TRAK1: variants seen among roughly 807,000 people sequenced by gnomAD.
TRAK1 encodes the protein trafficking kinesin protein 1.
In TRAK1, 33 loss-of-function variants were observed where a neutral mutation model predicts 92.1. The ratio of observed to expected loss-of-function variants is 0.36; its 90% CI spans 0.27 to 0.48. The LOEUF (loss-of-function observed/expected upper bound fraction) is 0.48. Ranked by LOEUF, TRAK1 falls within the 20% of genes least tolerant of loss-of-function variation. TRAK1 has a pLI of 0.99. For missense variants in TRAK1, 1,123 were observed against 1,257.9 expected, an observed-to-expected ratio of 0.89 and a Z score of 1.62; for synonymous variants, 521 against 517.3, an observed-to-expected ratio of 1.01 and a Z score of -0.10.
intron 1 of TRAK1, among the ~76,000 whole-genome samples, chr3:42,026,580 A>C (rs1005328647): frequency 8.8e-5 from 13 of 147,380 alleles, no homozygotes; most frequent in Non-Finnish European, 1.8e-4. Flanking sequence ...GCTAGAGTGC[A>C]GTGGCATGAT....
rs752266095 is a variant in TRAK1, at chr3:42,223,174, C to T, written c.2299C>T (p.Leu767Phe). Residue 767 changes from leucine (L) to phenylalanine (F), a missense_variant, in exon 16 of 16, where the codon CTC (leucine) becomes TTC (phenylalanine). Physicochemically the swap from Leu to Phe is conservative, Grantham distance 22 (BLOSUM62 0). Coordinates refer to ENST00000327628, the MANE Select transcript of TRAK1 (RefSeq NM_001042646.3). The surrounding 1 kb of genome is among the most constrained non-coding windows in gnomAD (Gnocchi z 6.1). ...QSWDRAGRGS[L>F]LHSYTPKMAV... ...CTGGGACAGGGCCGGCCGGGGCTCC[C>T]TCCTGCACTCCTACACGCCCAAGAT... is the stretch of plus-strand genomic sequence containing the variant. 6.2e-7 allele frequency: 1 copy of T among 1,614,078 alleles called. No individual in the cohort carries two copies. Among genetic ancestry groups the T allele is most frequent in the South Asian group, 1.1e-5 (1 of 91,082 alleles).
intron 14 of TRAK1, 97 bp from the exon 15 acceptor site, chr3:42,219,397 C>T (rs1019698904): frequency 1.2e-6 from 2 of 1,601,194 alleles, no homozygotes; most frequent in South Asian, 1.1e-5. Context: ...CAAGGTAGCT[C>T]ATCACTTCTT....
rs1323614267 is a variant in TRAK1 at position 42,225,352 on chromosome 3, T to C, written c.*1615T>C. ...AACCTTATGTCCACCAAGGATACTT[T>C]GAGAAAGCCCCTAAGGAACAAGCCT... On this transcript the variant is annotated 3_prime_UTR_variant, in exon 16 of 16. Transcript: ENST00000327628. 1 of 152,236 alleles carries C rather than the reference T, an allele frequency of 6.6e-6. No individual in the cohort carries two copies. Among genetic ancestry groups the C allele is most frequent in the Non-Finnish European group, 1.5e-5 (1 of 68,046 alleles). The allele number at this position is 152,236 out of a possible 1,614,324, so 9.4% of individuals were successfully genotyped here.
chr3:42,168,927 G>A (rs560016218), intron 2 of TRAK1, among the ~76,000 whole-genome samples: 17 of 152,144 alleles, frequency 1.1e-4, no homozygotes, highest in Non-Finnish European at 1.9e-4. Context: ...AGGTTCAAGC[G>A]ATTCTCCTGC....
intron 2 of TRAK1, among the ~76,000 whole-genome samples, chr3:42,127,119 T>A (rs1412500889): frequency 6.6e-6 from 1 of 152,230 alleles, no homozygotes; most frequent in East Asian, 1.9e-4. Context: ...TGGTATCATA[T>A]GGAAAACTGA....
intron 1 of TRAK1, among the ~76,000 whole-genome samples, chr3:42,022,934 G>A (rs1407356210): frequency 3.3e-5 from 5 of 151,802 alleles, no homozygotes; most frequent in South Asian, 2.1e-4. Context: ...TGAGGCTGGC[G>A]GATCACGAGG....
chr3:42,201,199 C>G, intron 12 of TRAK1, 145 bp downstream of exon 12: 1 of 855,582 alleles, frequency 1.2e-6, no homozygotes, highest in Non-Finnish European at 1.8e-6. Flanking sequence ...TGGCTCGCGC[C>G]TATAATCCTA....
chr3:42,209,772 G>T lies in TRAK1; in HGVS notation c.1750G>T (p.Ala584Ser). ...CCTTCCCTTTCTCCTGCAAGGTTCC[G>T]CCACACTTCACCACTGGCAGCAGTT... ...LQIVKPLEGS[A>S]TLHHWQQLAQ... The change falls in exon 14 of 16, where the codon GCC becomes TCC. Residue 584 changes from alanine to serine, a missense_variant. Ala to Ser is a moderately conservative substitution (Grantham distance 99, BLOSUM62 1). Around this residue, in one of 3 missense-constraint regions of TRAK1, gnomAD observed 36 missense variants for 71.3 expected, o/e 0.50. Coordinates refer to ENST00000327628, the MANE Select transcript of TRAK1 (RefSeq NM_001042646.3). The T allele has an allele frequency of 6.8e-6, 11 of 1,613,882 alleles. No individual in the cohort carries two copies. Among genetic ancestry groups the T allele is most frequent in the Non-Finnish European group, 9.3e-6 (11 of 1,179,942 alleles).
intron 1 of TRAK1, among the ~76,000 whole-genome samples, chr3:42,018,088 A>G (rs1031508799): frequency 1.5e-4 from 1 of 6,798 alleles, no homozygotes; most frequent in Non-Finnish European, 4.6e-3. Context: ...TCATTGTTAC[A>G]AAAAAAAAAA....
chr3:42,077,495 G>C (rs1384087743), intron 1 of TRAK1, among the ~76,000 whole-genome samples: 1 of 152,104 alleles, frequency 6.6e-6, no homozygotes, highest in African/African-American at 2.4e-5. Context: ...CACCATGTTG[G>C]CCAGGCTGGC....
intron 2 of TRAK1, chr3:42,160,022 G>A (rs1317311527): frequency 2.9e-6 from 1 of 348,432 alleles, no homozygotes; most frequent in South Asian, 9.7e-5. Context: ...CTAGGAGGCC[G>A]AGAGCTTGCT....
intron 7 of TRAK1, 111 bp from the exon 8 acceptor site, chr3:42,192,964 T>C: frequency 6.7e-7 from 1 of 1,483,084 alleles, no homozygotes. Context: ...CTCTACCCTG[T>C]CTTTTAGTAA....
chr3:42,171,991 T>C (rs1702620115), intron 2 of TRAK1, among the ~76,000 whole-genome samples: 1 of 152,192 alleles, frequency 6.6e-6, no homozygotes, highest in Non-Finnish European at 1.5e-5. Context: ...CCCCATTAGC[T>C]GTGACAGCCC....
intron 14 of TRAK1, chr3:42,218,472 C>A: frequency 1.0e-6 from 1 of 984,704 alleles, no homozygotes; most frequent in Non-Finnish European, 1.2e-6. Context: ...GGAGAATCAT[C>A]CCGGCACTTC....
Position 42,099,068 on chromosome 3 carries a change from A to C in TRAK1, c.91+7508A>C, listed in dbSNP as rs1044002795. ...GTTGCAGTCAGGGAGGGGGTATCTA[A>C]ATTCCAGATTTCAGAGGTGGCCCGG... is the stretch of plus-strand genomic sequence containing the variant. On this transcript the variant is annotated intron_variant, in intron 1 of 15. Transcript: ENST00000327628. 1.6e-3 allele frequency among the ~76,000 whole-genome samples: 242 copies of C among 152,032 alleles called. 5 individuals are homozygous for C. Among genetic ancestry groups the C allele is most frequent in the Non-Finnish European group, 8.8e-5 (6 of 67,972 alleles).
rs572848092 is a variant in TRAK1 at position 42,202,982 on chromosome 3, C to T, written c.1744+230C>T. ...TGCACACATAGGCCATGAAACTCGC[C>T]GAGGAAAGACAAGCATGTGCACTGT... On this transcript the variant is annotated intron_variant, in intron 13 of 15. Coordinates refer to ENST00000327628, the MANE Select transcript of TRAK1 (RefSeq NM_001042646.3). This position sits in a 1 kb window ranked among gnomAD's most constrained non-coding sequence, Gnocchi z 6.1. The T allele has an allele frequency of 1.0e-4, 135 of 1,328,962 alleles. No homozygotes were observed. In the East Asian group the frequency reaches 2.4e-3, roughly 23 times the overall value. The allele number at this position is 1,328,962 out of a possible 1,614,324, so 82.3% of individuals were successfully genotyped here. A position where few individuals can be genotyped will look rare whatever the true frequency, so the allele number is the denominator to read the frequency against.
chr3:42,113,977 C>T (rs775175819), intron 1 of TRAK1, among the ~76,000 whole-genome samples: 1 of 152,192 alleles, frequency 6.6e-6, no homozygotes, highest in African/African-American at 2.4e-5. Context: ...CATTAGCAGT[C>T]GCTCCACATT....
intron 1 of TRAK1, among the ~76,000 whole-genome samples, chr3:42,036,782 G>A (rs1702342563): frequency 6.6e-6 from 1 of 152,026 alleles, no homozygotes; most frequent in Admixed American, 6.6e-5. Flanking sequence ...ACAGGGTCTC[G>A]CTCTGTCACC....
intron 1 of TRAK1, among the ~76,000 whole-genome samples, chr3:42,112,134 A>AAT: frequency 1.0e-5 from 1 of 100,414 alleles, no homozygotes; most frequent in East Asian, 3.2e-4. Flanking sequence ...CTCAGCTCTT[A>AAT]CTTTTTTTTT....
Sources: allele counts gnomAD v4.1 joint callset (sites outside exome capture counted in the v4.1 genomes callset), GRCh38; gene constraint gnomAD v4.1.1; regional missense constraint gnomAD v4.1.1; non-coding constraint Gnocchi (gnomAD v3.1); transcripts MANE v1.5; gene names NCBI Gene and HGNC (gene_info 2026-07-23, HGNC 2026-07-21).